The following ATP2B4 variants were observed in gnomAD, a reference collection of about 807,000 sequenced individuals.
The protein encoded by ATP2B4 is ATPase plasma membrane Ca2+ transporting 4, also known as plasma membrane calcium-transporting ATPase 4.
Under a neutral mutation model 110.3 loss-of-function variants are expected in ATP2B4, and 39 were observed. The ratio of observed to expected loss-of-function variants is 0.35; its 90% CI spans 0.27 to 0.46. The LOEUF (loss-of-function observed/expected upper bound fraction) is 0.46. ATP2B4 is among the 20% of genes least tolerant of loss of function. ATP2B4 has a pLI of 1.00. For missense variants in ATP2B4, 1,135 were observed against 1,530.9 expected, an observed-to-expected ratio of 0.74 and a Z score of 4.32; for synonymous variants, 538 against 571.7, an observed-to-expected ratio of 0.94 and a Z score of 0.84.
chr1:203,655,848 C>A (rs1281529133), intron 1 of ATP2B4, among the ~76,000 whole-genome samples: 1 of 152,108 alleles, frequency 6.6e-6, no homozygotes, highest in African/African-American at 2.4e-5. Context: ...AAAGACCTCT[C>A]CACCAGCAAA....
Position 203,633,312 on chromosome 1 carries a change from G to A in ATP2B4, c.-465+6093G>A, listed in dbSNP as rs78144227. On this transcript the variant is annotated intron_variant, in intron 1 of 20. Transcript: ENST00000357681. ...GAAAACTCTGAACAGAAATGCCAACGAGGCCAGACACAAGGCCTCACTCTG... is the reference window on the plus strand; with the variant it reads ...GAAAACTCTGAACAGAAATGCCAACAAGGCCAGACACAAGGCCTCACTCTG... Among the ~76,000 whole-genome samples the A allele has an allele frequency of 8.2e-3, 1,250 of 152,264 alleles. 17 individuals are homozygous for A. The highest frequency in any genetic ancestry group is 0.011 in the Non-Finnish European group (771 of 68,024).
chr1:203,701,223 G>A (rs1418762940), intron 6 of ATP2B4, among the ~76,000 whole-genome samples: 1 of 152,182 alleles, frequency 6.6e-6, no homozygotes, highest in Non-Finnish European at 1.5e-5. Flanking sequence ...CTGGCTAGGT[G>A]CTGGTAGCCC....
chr1:203,657,092 T>A, intron 1 of ATP2B4: 1 of 842,568 alleles, frequency 1.2e-6, no homozygotes, highest in South Asian at 1.4e-5. Context: ...TTTACCTCAA[T>A]GACAATATCT....
Position 203,693,493 on chromosome 1 carries a change from A to C in ATP2B4, c.194-4664A>C, listed in dbSNP as rs151181429. ...ATGAGTAGAAAATGGCAAAAAAAAG[A>C]AGCAAGCAAGTGACTTTGAGAGCAT... On this transcript the variant is annotated intron_variant, in intron 2 of 20. Coordinates refer to ENST00000357681, the MANE Select transcript of ATP2B4 (RefSeq NM_001684.5). 3.5e-4 allele frequency among the ~76,000 whole-genome samples: 53 copies of C among 152,338 alleles called. No individual in the cohort carries two copies. In the East Asian group the frequency reaches 9.3e-3, roughly 27 times the overall value.
intron 1 of ATP2B4, among the ~76,000 whole-genome samples, chr1:203,659,857 G>A (rs1664279112): frequency 6.6e-6 from 1 of 152,128 alleles, no homozygotes; most frequent in African/African-American, 2.4e-5. Flanking sequence ...GCCAAGGCAG[G>A]TGGATCACAA....
chr1:203,730,981 T>C (rs1031389721), intron 20 of ATP2B4, among the ~76,000 whole-genome samples: 1 of 152,218 alleles, frequency 6.6e-6, no homozygotes, highest in African/African-American at 2.4e-5. Context: ...CACCTCCACG[T>C]TGATCTTTGT....
At chr1:203,700,963 C>T in intron 6 of ATP2B4, 40 bp downstream of exon 6, 1 of 1,595,056 alleles carries the variant, frequency 6.3e-7, no homozygotes, top group South Asian at 1.1e-5. Flanking sequence ...TCCTCTCATC[C>T]CCATGGACAA....
intron 17 of ATP2B4, among the ~76,000 whole-genome samples, chr1:203,722,139 G>A (rs1246525049): frequency 6.6e-6 from 1 of 152,082 alleles, no homozygotes; most frequent in Non-Finnish European, 1.5e-5. Flanking sequence ...AATAAGTCAA[G>A]ACCAGAACTA....
chr1:203,678,535 C>A (rs1664898475), intron 1 of ATP2B4, among the ~76,000 whole-genome samples: 1 of 152,006 alleles, frequency 6.6e-6, no homozygotes, highest in South Asian at 2.1e-4. Context: ...TCCCAACTTG[C>A]TAGGACCACA....
At chr1:203,678,456 A>G (rs969261792) in intron 1 of ATP2B4, among the ~76,000 whole-genome samples, 4 of 138,828 alleles carry the variant, frequency 2.9e-5, no homozygotes, top group African/African-American at 1.1e-4. Flanking sequence ...AAACTAAGTG[A>G]TATGAACACA....
chr1:203,722,885 C>A (rs767426354), intron 18 of ATP2B4, among the ~76,000 whole-genome samples, 196 bp downstream of exon 18: 24 of 152,202 alleles, frequency 1.6e-4, no homozygotes, highest in Admixed American at 1.4e-3. Context: ...GTGTCAAGAG[C>A]TCCAGTGCAG....
In ATP2B4 at chr1:203,686,915, G is replaced by A. The variant is rs7517271; in HGVS notation, c.193+3517G>A. Reference sequence around the variant, plus strand: ...TCATCATGTTGGCCAGGCTGGTCTCGAACTCCTGACCTCAGGTGATCCATC... The same window carrying A: ...TCATCATGTTGGCCAGGCTGGTCTCAAACTCCTGACCTCAGGTGATCCATC... On this transcript the variant is annotated intron_variant, in intron 2 of 20. Transcript: ENST00000357681. Among the ~76,000 whole-genome samples the A allele has an allele frequency of 6.3e-3, 948 of 149,892 alleles. 10 individuals are homozygous for A. The highest frequency in any genetic ancestry group is 0.022 in the African/African-American group (885 of 40,768).
At chr1:203,730,230 T>TA (rs111392425) in intron 20 of ATP2B4, among the ~76,000 whole-genome samples, 3,159 of 137,260 alleles carry the variant, frequency 0.023, 57 homozygotes, top group Non-Finnish European at 0.037. Flanking sequence ...AGAGCTGAAT[T>TA]AAAAAAAAAA....
chr1:203,637,976 G>C (rs2102301270), intron 1 of ATP2B4, among the ~76,000 whole-genome samples: 1 of 152,344 alleles, frequency 6.6e-6, no homozygotes, highest in African/African-American at 2.4e-5. Flanking sequence ...GTGATGGCTG[G>C]TAACTGCTAA....
At chr1:203,676,260 A>G (rs1664825666) in intron 1 of ATP2B4, among the ~76,000 whole-genome samples, 1 of 152,182 alleles carries the variant, frequency 6.6e-6, no homozygotes, top group Non-Finnish European at 1.5e-5. Context: ...GCTTCTGCAA[A>G]CCAGTTGGCA....
chr1:203,714,058 T>A (rs1400830948), intron 14 of ATP2B4, 113 bp from the exon 15 acceptor site: 2 of 1,053,772 alleles, frequency 1.9e-6, no homozygotes, highest in Admixed American at 3.9e-5. Context: ...CTGTAGAACT[T>A]CTAGGAAAGG....
chr1:203,658,139 A>G (rs1371281551), intron 1 of ATP2B4, among the ~76,000 whole-genome samples: 1 of 152,188 alleles, frequency 6.6e-6, no homozygotes, highest in Non-Finnish European at 1.5e-5. Context: ...ATAATAAATA[A>G]CCAGGAACTT....
chr1:203,708,065 T>C lies in ATP2B4; in HGVS notation c.1518T>C (p.Asn506=). The change falls in exon 10 of 21, where the codon AAT becomes AAC. Residue 506 remains asparagine (N), a synonymous_variant. Transcript: ENST00000357681. ...FLPKVLDLIV[N]GISINSAYTS... ...CCAAAGTCCTGGACCTCATTGTCAA[T>C]GGCATTTCTATCAACAGTGCTTATA... The C allele has an allele frequency of 6.2e-7, 1 of 1,614,232 alleles. No homozygotes were observed. Among genetic ancestry groups the C allele is most frequent in the Non-Finnish European group, 8.5e-7 (1 of 1,180,038 alleles).
At chr1:203,736,225 G>A (rs1472383628) in intron 20 of ATP2B4, among the ~76,000 whole-genome samples, 1 of 152,210 alleles carries the variant, frequency 6.6e-6, no homozygotes, top group East Asian at 1.9e-4. Flanking sequence ...AGCACTTTGG[G>A]AGGCCGAGGC....
Sources: allele counts gnomAD v4.1 joint callset (sites outside exome capture counted in the v4.1 genomes callset), GRCh38; gene constraint gnomAD v4.1.1; transcripts MANE v1.5; gene names NCBI Gene and HGNC (gene_info 2026-07-23, HGNC 2026-07-21).